Variants in HCN4 observed in about 807,000 individuals in gnomAD.
The protein encoded by HCN4 is potassium/sodium hyperpolarization-activated cyclic nucleotide-gated channel 4.
Under a neutral mutation model 76.9 loss-of-function variants are expected in HCN4, and 29 were observed. The observed-to-expected ratio is 0.38, with a 90% confidence interval of 0.28 to 0.51. HCN4 has a LOEUF of 0.51. Among genes scored for constraint, HCN4 ranks in the 20% least tolerant of loss-of-function variants. HCN4 has a pLI of 0.90. For missense variants in HCN4, 1,416 were observed against 1,715.2 expected (o/e 0.83, Z 3.08); for synonymous variants, 772 against 762.5 (o/e 1.01, Z -0.21).
chr15:73,327,849 C>T (rs8035242), intron 4 of HCN4, among the ~76,000 whole-genome samples: 1,801 of 152,296 alleles, frequency 0.012, 39 homozygotes, highest in African/African-American at 0.038. Context: ...GCTCTGTAGG[C>T]TCTCCTGAGC....
intron 2 of HCN4, among the ~76,000 whole-genome samples, chr15:73,332,599 A>G (rs2042939745): frequency 6.6e-6 from 1 of 152,230 alleles, no homozygotes; most frequent in Non-Finnish European, 1.5e-5. Flanking sequence ...GCAGCCCAGA[A>G]GTGGGCAGAG....
chr15:73,325,103 C>T lies in HCN4; in HGVS notation c.1830G>A (p.Lys610=). The change falls in exon 6 of 8, where the codon AAG becomes AAA. Residue 610 remains lysine (K), a synonymous_variant. Transcript: ENST00000261917. This position sits in a 1 kb window ranked among gnomAD's most constrained non-coding sequence, Gnocchi z 7.4. The stretch of plus-strand genomic sequence containing the variant: ...CAGGCTGGAAGACCTCGAAACGCAG[C>T]TTGGTCAGCATGGACGTCACGAAGT... The part of the protein sequence containing the change: ...DPNFVTSMLT[K]LRFEVFQPGD... The T allele has an allele frequency of 6.2e-7, 1 of 1,614,246 alleles. No individual in the cohort carries two copies. The highest frequency in any genetic ancestry group is 8.5e-7 in the Non-Finnish European group (1 of 1,180,046).
At chr15:73,345,077 G>A (rs1380494184) in intron 1 of HCN4, among the ~76,000 whole-genome samples, 1 of 152,218 alleles carries the variant, frequency 6.6e-6, no homozygotes, top group Non-Finnish European at 1.5e-5. Context: ...GGAAGGAAGT[G>A]GGAAAGAAAG....
At chr15:73,348,389 C>A (rs531934475) in intron 1 of HCN4, among the ~76,000 whole-genome samples, 2 of 152,256 alleles carry the variant, frequency 1.3e-5, no homozygotes, top group Admixed American at 6.5e-5. Flanking sequence ...TGCACAGACA[C>A]GAACATGCGT....
intron 4 of HCN4, among the ~76,000 whole-genome samples, chr15:73,327,937 T>C (rs553884924): frequency 6.6e-6 from 1 of 152,310 alleles, no homozygotes; most frequent in South Asian, 2.1e-4. Flanking sequence ...CAAAGGACAG[T>C]GCCTGGGACA....
At position 73,322,253 on chromosome 15, in the gene HCN4, C is replaced by G. The variant is rs2042863539; in HGVS notation, c.*228G>C. 6.5e-6 allele frequency: 3 copies of G among 459,674 alleles called. No individual in the cohort carries two copies. The highest frequency in any genetic ancestry group is 8.0e-6 in the Non-Finnish European group (2 of 249,306). 28.5% of individuals were successfully genotyped at this position (459,674 alleles called of 1,614,324 possible). A position where few individuals can be genotyped will look rare whatever the true frequency, so the allele number is the denominator to read the frequency against. ...GACCTGCCTGCTCCCTCCTCCCTCC[C>G]CCTCCCTCCCTCTAGTGCTGAGTAT... On this transcript the variant is annotated 3_prime_UTR_variant, in exon 8 of 8. Coordinates refer to ENST00000261917, the MANE Select transcript of HCN4 (RefSeq NM_005477.3).
chr15:73,356,454 C>T (rs2043081434), intron 1 of HCN4, among the ~76,000 whole-genome samples: 1 of 142,514 alleles, frequency 7.0e-6, no homozygotes, highest in Non-Finnish European at 1.5e-5. Flanking sequence ...CTCGAGTGAT[C>T]CTCCTGCCTC....
At chr15:73,346,623 ACT>A (rs1488363085) in intron 1 of HCN4, among the ~76,000 whole-genome samples, 1 of 152,082 alleles carries the variant, frequency 6.6e-6, no homozygotes, top group Admixed American at 6.5e-5. Context: ...ACCTCCAGAG[ACT>A]CATGGTCTGG....
At chr15:73,324,295 G>A (rs762442246) in intron 6 of HCN4, 42 bp from the exon 7 acceptor site, 16 of 1,601,726 alleles carry the variant, frequency 1.0e-5, no homozygotes, top group Admixed American at 3.4e-5. Context: ...TGCACAGCCT[G>A]CCCAGGCCAG....
chr15:73,336,615 C>G (rs920160797), intron 2 of HCN4, among the ~76,000 whole-genome samples: 1 of 152,162 alleles, frequency 6.6e-6, no homozygotes. Flanking sequence ...CAAAAACCCA[C>G]CAGCCAGCCG....
At chr15:73,330,811 A>C (rs996125694) in intron 3 of HCN4, among the ~76,000 whole-genome samples, 5 of 152,108 alleles carry the variant, frequency 3.3e-5, no homozygotes, top group Non-Finnish European at 5.9e-5. Flanking sequence ...TCTAGACTGG[A>C]GTGGGGACCA....
chr15:73,359,812 G>C (rs903114227), intron 1 of HCN4, among the ~76,000 whole-genome samples: 3 of 152,218 alleles, frequency 2.0e-5, no homozygotes, highest in African/African-American at 7.2e-5. Context: ...CTGAAGTCTA[G>C]CATGAATAGA....
At chr15:73,349,170 C>G (rs1218462411) in intron 1 of HCN4, among the ~76,000 whole-genome samples, 5 of 152,102 alleles carry the variant, frequency 3.3e-5, no homozygotes, top group African/African-American at 1.2e-4. Flanking sequence ...CTCATTCTCT[C>G]CAACTCATAT....
Position 73,368,162 on chromosome 15 carries a change from C to A in HCN4, c.109G>T (p.Ala37Ser). The change falls in exon 1 of 8, where the codon GCC becomes TCC. Residue 37 changes from alanine to serine, a missense_variant. Physicochemically the swap from Ala to Ser is moderately conservative, Grantham distance 99. This residue lies in a region of HCN4 where 355 missense variants were observed against 347.8 expected (regional missense o/e 1.02). Transcript: ENST00000261917. The surrounding 1 kb of genome is among the most constrained non-coding windows in gnomAD (Gnocchi z 6.9). ...DEEEDAEEEG[A>S]GGRQDPSRRS... ...CGGCTGGGGTCTTGGCGGCCCCCGG[C>A]CCCCTCCTCCTCGGCGTCCTCTTCC... 1 of 1,527,250 alleles carries A rather than the reference C, an allele frequency of 6.5e-7. No individual in the cohort carries two copies. Among genetic ancestry groups the A allele is most frequent in the South Asian group, 1.2e-5 (1 of 82,296 alleles). 94.6% of individuals were successfully genotyped at this position (1,527,250 alleles called of 1,614,324 possible).
rs2151228597 is a variant in HCN4, at chr15:73,367,945, C to T, written c.326G>A (p.Gly109Asp). Reference protein sequence around the residue: ...SLASLGSRGGGSGGTGSGSSH... With the variant: ...SLASLGSRGGDSGGTGSGSSH... Reference sequence around the variant, plus strand: ...GCTGCCGCTCCCCGTGCCGCCGCTGCCGCCGCCCCGGCTGCCCAGCGAGGC... The same window carrying T: ...GCTGCCGCTCCCCGTGCCGCCGCTGTCGCCGCCCCGGCTGCCCAGCGAGGC... The change falls in exon 1 of 8, where the codon GGC becomes GAC. Residue 109 changes from glycine to aspartate, a missense_variant. This residue lies in a region of HCN4 where 355 missense variants were observed against 347.8 expected (regional missense o/e 1.02). Coordinates refer to ENST00000261917, the MANE Select transcript of HCN4 (RefSeq NM_005477.3). The surrounding 1 kb of genome is among the most constrained non-coding windows in gnomAD (Gnocchi z 7.5). 1 of 1,355,994 alleles carries T rather than the reference C, an allele frequency of 7.4e-7. No individual in the cohort carries two copies. The highest frequency in any genetic ancestry group is 3.1e-5 in the Admixed American group (1 of 32,512). 84.0% of individuals were successfully genotyped at this position (1,355,994 alleles called of 1,614,324 possible).
chr15:73,336,947 C>T (rs949159230), intron 2 of HCN4, among the ~76,000 whole-genome samples: 21 of 152,212 alleles, frequency 1.4e-4, no homozygotes, highest in African/African-American at 4.6e-4. Context: ...CGGCTCCCAA[C>T]TACCGGCCTC....
chr15:73,339,754 G>T (rs2042988724), intron 2 of HCN4, among the ~76,000 whole-genome samples: 1 of 152,176 alleles, frequency 6.6e-6, no homozygotes, highest in African/African-American at 2.4e-5. Flanking sequence ...GCTCCAAAGG[G>T]TCTTTCTGCT....
intron 1 of HCN4, among the ~76,000 whole-genome samples, chr15:73,354,726 T>C (rs1355552745): frequency 2.0e-5 from 3 of 152,222 alleles, no homozygotes; most frequent in African/African-American, 7.2e-5. Flanking sequence ...CAATATGCTA[T>C]ATGGCATAAA....
At chr15:73,355,987 C>A (rs1026253117) in intron 1 of HCN4, among the ~76,000 whole-genome samples, 1 of 152,156 alleles carries the variant, frequency 6.6e-6, no homozygotes, top group Admixed American at 6.5e-5. Context: ...CCCCCAGGAA[C>A]CTTCTGTCCT....
Sources: gnomAD v4.1 joint callset for allele counts (sites outside exome capture counted in the v4.1 genomes callset) on GRCh38, gnomAD v4.1.1 for gene constraint, gnomAD v4.1.1 regional missense constraint, Gnocchi (gnomAD v3.1) non-coding constraint, MANE v1.5 for transcripts, NCBI Gene and HGNC (gene_info 2026-07-23, HGNC 2026-07-21) for gene names.